Variants in P2RY10 observed in about 807,000 individuals in gnomAD.
The protein encoded by P2RY10 is putative P2Y purinoceptor 10.
P2RY10 carries 4 observed loss-of-function variants against 12.1 expected under a neutral mutation model. The observed-to-expected ratio is 0.33, with a 90% CI of 0.16 to 0.76. The LOEUF is 0.76. Among genes scored for constraint, P2RY10 ranks in the 30% least tolerant of loss-of-function variants. The probability of loss-of-function intolerance (pLI) is 0.61; values close to 1 mark genes in which losing one functional copy is unlikely to be tolerated. For synonymous variants in P2RY10, 112 were observed against 94.1 expected (o/e 1.19, Z -1.10); for missense variants, 233 against 264.6 (o/e 0.88, Z 0.83).
intron 3 of P2RY10, among the ~76,000 whole-genome samples, chrX:78,959,768 C>A (rs1264310507): frequency 8.1e-5 from 9 of 111,671 alleles, no homozygotes; most frequent in Admixed American, 7.6e-4. Context: ...CAGGATTCTA[C>A]TTAGAGGTAG....
intron 3 of P2RY10, among the ~76,000 whole-genome samples, chrX:78,956,028 G>T (rs146946041): frequency 4.5e-4 from 51 of 112,094 alleles, no homozygotes; most frequent in African/African-American, 1.6e-3. Flanking sequence ...TCACTCCCAT[G>T]TGTAGGTGGA....
intron 3 of P2RY10, among the ~76,000 whole-genome samples, chrX:78,957,387 C>CACACACACACACACACACACACACACAG (rs760263078): frequency 7.9e-5 from 6 of 75,826 alleles, no homozygotes; most frequent in African/African-American, 2.8e-4. Flanking sequence ...CACACACACA[C>CACACACACACACACACACACACACACAG]AGAGAGAGAG....
intron 3 of P2RY10, among the ~76,000 whole-genome samples, chrX:78,955,002 G>T (rs191639988): frequency 1.8e-5 from 2 of 111,866 alleles, no homozygotes; most frequent in Non-Finnish European, 3.8e-5. Flanking sequence ...GCAGAAAACG[G>T]GGACGGGGTG....
chrX:78,957,897 T>C lies in P2RY10; in HGVS notation c.-13-2611T>C, dbSNP rs575033850. 1.7e-4 allele frequency among the ~76,000 whole-genome samples: 19 copies of C among 112,573 alleles called. No homozygotes were observed. In the South Asian group the frequency reaches 5.9e-3, roughly 35 times the overall value. On this transcript the variant is annotated intron_variant, in intron 3 of 3. Coordinates refer to ENST00000171757, the MANE Select transcript of P2RY10 (RefSeq NM_014499.4). ...ACATGCCCATTTTGTAAGTGAAACTTTCTGCACCAGTGAAGCTAAAACAAA... is the reference window on the plus strand; with the variant it reads ...ACATGCCCATTTTGTAAGTGAAACTCTCTGCACCAGTGAAGCTAAAACAAA...
At position 78,962,526 on chromosome X, in the gene P2RY10, C is replaced by T. The variant is rs1169368287; in HGVS notation, c.*986C>T. 3.6e-5 allele frequency among the ~76,000 whole-genome samples: 4 copies of T among 111,679 alleles called. No homozygotes were observed. Among genetic ancestry groups the T allele is most frequent in the African/African-American group, 1.3e-4 (4 of 30,704 alleles). The stretch of plus-strand genomic sequence containing the variant: ...CTTCAATGATGAAGACAGACTAAAG[C>T]TAAGCCACATGAGATCAAGGCCATT... On this transcript the variant is annotated 3_prime_UTR_variant, in exon 4 of 4. Coordinates refer to ENST00000171757, the MANE Select transcript of P2RY10 (RefSeq NM_014499.4).
chrX:78,949,551 C>CA (rs1240520054), intron 2 of P2RY10, among the ~76,000 whole-genome samples: 1 of 111,898 alleles, frequency 8.9e-6, no homozygotes, highest in Non-Finnish European at 1.9e-5. Context: ...AAAATGCTGC[C>CA]ACAGCTGCAA....
At chrX:78,955,007 G>A (rs1350992734) in intron 3 of P2RY10, among the ~76,000 whole-genome samples, 2 of 111,819 alleles carry the variant, frequency 1.8e-5, no homozygotes, top group Non-Finnish European at 3.8e-5. Flanking sequence ...AAACGGGGAC[G>A]GGGTGGAGAG....
Sources: allele counts gnomAD v4.1 joint callset (sites outside exome capture counted in the v4.1 genomes callset), GRCh38; gene constraint gnomAD v4.1.1; transcripts MANE v1.5; gene names NCBI Gene and HGNC (gene_info 2026-07-23, HGNC 2026-07-21).